EFCAB5: variants seen among roughly 807,000 people sequenced by gnomAD.
EFCAB5 encodes EF-hand calcium binding domain 5.
A neutral mutation model predicts 167.9 loss-of-function variants in EFCAB5; 131 were observed. The observed-to-expected ratio is 0.78, with a 90% CI of 0.68 to 0.90. The LOEUF is 0.90. Among genes scored for constraint, EFCAB5 ranks in the 40% least tolerant of loss-of-function variants. EFCAB5 has a pLI of 0.00. For missense variants in EFCAB5, 1,663 were observed against 1,745.2 expected, an observed-to-expected ratio of 0.95 and a Z score of 0.84; for synonymous variants, 574 against 602.8, an observed-to-expected ratio of 0.95 and a Z score of 0.70.
At chr17:29,936,111 G>C (rs1383135259) in intron 1 of EFCAB5, among the ~76,000 whole-genome samples, 1 of 152,182 alleles carries the variant, frequency 6.6e-6, no homozygotes, top group Non-Finnish European at 1.5e-5. Context: ...ATACACCATG[G>C]AATACTATGC....
intron 22 of EFCAB5, among the ~76,000 whole-genome samples, chr17:30,104,944 T>A (rs1338051234): frequency 1.3e-5 from 2 of 152,060 alleles, no homozygotes; most frequent in African/African-American, 2.4e-5. Context: ...AATAATGGCT[T>A]GCAGATGGGC....
intron 10 of EFCAB5, among the ~76,000 whole-genome samples, chr17:30,055,338 AAGGAAGG>A (rs1217753394): frequency 6.8e-6 from 1 of 146,418 alleles, no homozygotes; most frequent in Non-Finnish European, 1.5e-5. Flanking sequence ...GGAAGGAAGG[AAGGAAGG>A]AAGGAAGGAA....
intron 4 of EFCAB5, among the ~76,000 whole-genome samples, chr17:29,986,432 G>A (rs1032645064): frequency 3.9e-5 from 6 of 152,196 alleles, no homozygotes; most frequent in South Asian, 2.1e-4. Flanking sequence ...GCCATGGCAC[G>A]CAGACTGAGA....
chr17:30,028,280 T>C (rs2151725655), intron 7 of EFCAB5, among the ~76,000 whole-genome samples: 1 of 152,366 alleles, frequency 6.6e-6, no homozygotes, highest in East Asian at 1.9e-4. Flanking sequence ...CCAAAGATTC[T>C]GTCTTTCCTT....
At chr17:30,034,926 TA>T (rs2069577165) in intron 8 of EFCAB5, among the ~76,000 whole-genome samples, 1 of 152,194 alleles carries the variant, frequency 6.6e-6, no homozygotes, top group Admixed American at 6.5e-5. Context: ...CTTCTCTTTA[TA>T]AAGGGGCCCT....
chr17:30,086,321 A>T (rs1436204460), intron 18 of EFCAB5, among the ~76,000 whole-genome samples: 2 of 152,192 alleles, frequency 1.3e-5, no homozygotes, highest in Non-Finnish European at 2.9e-5. Flanking sequence ...CACAACCCAC[A>T]TGTAAGTTGT....
chr17:29,966,587 G>A (rs1020608561), intron 3 of EFCAB5, among the ~76,000 whole-genome samples: 3 of 152,158 alleles, frequency 2.0e-5, no homozygotes, highest in Non-Finnish European at 4.4e-5. Flanking sequence ...ATGGGTATAT[G>A]GTGTCAACAT....
intron 1 of EFCAB5, 32 bp downstream of exon 1, chr17:29,941,870 T>G (rs1395296873): frequency 6.3e-7 from 1 of 1,577,808 alleles, no homozygotes; most frequent in Admixed American, 1.8e-5. Context: ...ATCACATTTA[T>G]GGGAAGATTT....
intron 4 of EFCAB5, among the ~76,000 whole-genome samples, chr17:29,972,204 A>ATTTTTTTTTTTT (rs11409322): frequency 7.8e-6 from 1 of 127,452 alleles, no homozygotes; most frequent in Non-Finnish European, 1.6e-5. Flanking sequence ...CGCCCGGCTA[A>ATTTTTTTTTTTT]TTTTTTTTTT....
At position 30,036,242 on chromosome 17, in the gene EFCAB5, TATAA is replaced by T. The variant is rs1469064062; in HGVS notation, c.1200+1861_1200+1864del. Among the ~76,000 whole-genome samples the T allele has an allele frequency of 5.7e-5, 8 of 139,824 alleles. No individual in the cohort carries two copies. The Admixed American group carries it at 6.1e-4, about 11-fold the overall frequency. 91.7% of individuals were successfully genotyped at this position (139,824 alleles called of 152,430 possible). ...TATATGCATATATAATGTATGTATATATAAATATAGAATATACATATATAATATA... is the reference window on the plus strand; with the variant it reads ...TATATGCATATATAATGTATGTATATATATAGAATATACATATATAATATA... On this transcript the variant is annotated intron_variant, in intron 8 of 22. Coordinates refer to ENST00000394835, the MANE Select transcript of EFCAB5 (RefSeq NM_198529.4).
intron 22 of EFCAB5, among the ~76,000 whole-genome samples, chr17:30,098,629 T>A (rs186346315): frequency 2.6e-4 from 39 of 152,154 alleles, no homozygotes; most frequent in African/African-American, 8.7e-4. Context: ...TGGCTTTCCA[T>A]TGTCTTTTTT....
rs1180041127 is a variant in EFCAB5, at chr17:30,015,125, C to T, written c.1044+15149C>T. 3.3e-5 allele frequency among the ~76,000 whole-genome samples: 5 copies of T among 152,108 alleles called. No homozygotes were observed. The South Asian group carries it at 8.3e-4, about 25-fold the overall frequency. On this transcript the variant is annotated intron_variant, in intron 7 of 22. Transcript: ENST00000394835. ...TTTCTTTAAGAATGTTGAATATTGG[C>T]CCCCACACTCTTCTGGCTTGTAGGG...
At chr17:29,933,932 G>T (rs1310379396) in intron 1 of EFCAB5, among the ~76,000 whole-genome samples, 1 of 151,986 alleles carries the variant, frequency 6.6e-6, no homozygotes, top group Non-Finnish European at 1.5e-5. Flanking sequence ...AAATTAAAGG[G>T]GATTTGGAGG....
At chr17:30,055,761 T>C (rs920263168) in intron 10 of EFCAB5, 127 bp from the exon 11 acceptor site, 5 of 907,348 alleles carry the variant, frequency 5.5e-6, no homozygotes, top group Middle Eastern at 3.2e-4. Context: ...CAACACTGCA[T>C]ATATGGGAAA....
chr17:29,979,401 C>T (rs180850844), intron 4 of EFCAB5, among the ~76,000 whole-genome samples: 3 of 152,140 alleles, frequency 2.0e-5, no homozygotes, highest in Non-Finnish European at 4.4e-5. Context: ...GGCATTCTAT[C>T]TGAGCTACCC....
chr17:30,018,485 T>C lies in EFCAB5; in HGVS notation c.1045-15745T>C, dbSNP rs559477872. Among the ~76,000 whole-genome samples the C allele has an allele frequency of 3.9e-5, 6 of 152,190 alleles. No homozygotes were observed. In the South Asian group the frequency reaches 6.2e-4, roughly 16 times the overall value. ...TTGTTTTTTTTTCATTTCAGGAACATTTTCTCATGTCTTTGAATACATCTT... is the reference window on the plus strand; with the variant it reads ...TTGTTTTTTTTTCATTTCAGGAACACTTTCTCATGTCTTTGAATACATCTT... On this transcript the variant is annotated intron_variant, in intron 7 of 22. Coordinates refer to ENST00000394835, the MANE Select transcript of EFCAB5 (RefSeq NM_198529.4).
chr17:30,063,411 T>C (rs954160700), intron 14 of EFCAB5, among the ~76,000 whole-genome samples: 1 of 152,142 alleles, frequency 6.6e-6, no homozygotes, highest in African/African-American at 2.4e-5. Flanking sequence ...ATTGCAACCA[T>C]ATCGTCCTCC....
chr17:30,046,512 C>T (rs2069933995), intron 8 of EFCAB5, among the ~76,000 whole-genome samples: 2 of 152,110 alleles, frequency 1.3e-5, no homozygotes, highest in Admixed American at 6.6e-5. Flanking sequence ...AGGGCAGATA[C>T]GGATGAAAAA....
chr17:30,075,734 C>T (rs1281868468), intron 14 of EFCAB5, among the ~76,000 whole-genome samples: 2 of 152,206 alleles, frequency 1.3e-5, no homozygotes, highest in Non-Finnish European at 2.9e-5. Context: ...TCTGCTCAGG[C>T]TCTGACAACC....
Sources: allele counts gnomAD v4.1 joint callset (sites outside exome capture counted in the v4.1 genomes callset), GRCh38; gene constraint gnomAD v4.1.1; transcripts MANE v1.5; gene names NCBI Gene and HGNC (gene_info 2026-07-23, HGNC 2026-07-21).